SIL1: variants seen among roughly 807,000 people sequenced by gnomAD.
SIL1 encodes the protein SIL1 nucleotide exchange factor, also known as nucleotide exchange factor SIL1.
SIL1 carries 40 observed loss-of-function variants against 49.1 expected under a neutral mutation model. The observed-to-expected ratio is 0.81, with a 90% CI of 0.63 to 1.06. SIL1 has a LOEUF of 1.06. Among genes scored for constraint, SIL1 ranks in the 50% least tolerant of loss-of-function variants. The pLI is 0.00. For synonymous variants in SIL1, 253 were observed against 250.8 expected (o/e 1.01, Z -0.08); for missense variants, 500 against 572.6 (o/e 0.87, Z 1.29).
intron 9 of SIL1, among the ~76,000 whole-genome samples, chr5:138,949,807 A>AG: frequency 6.6e-6 from 1 of 151,344 alleles, no homozygotes; most frequent in Non-Finnish European, 1.5e-5. Context: ...TCAAAAAAAA[A>AG]AAAAAAAAAG....
intron 1 of SIL1, among the ~76,000 whole-genome samples, chr5:139,192,380 T>C (rs1265006708): frequency 6.6e-6 from 1 of 152,098 alleles, no homozygotes; most frequent in Non-Finnish European, 1.5e-5. Flanking sequence ...TGGAGATGAG[T>C]TCACTGACCA....
At chr5:139,175,602 A>G (rs1751864425) in intron 1 of SIL1, among the ~76,000 whole-genome samples, 1 of 152,242 alleles carries the variant, frequency 6.6e-6, no homozygotes, top group Admixed American at 6.5e-5. Flanking sequence ...AGAGGAAGGA[A>G]TATTCCCTAC....
At chr5:139,053,874 C>A (rs2150456766) in intron 3 of SIL1, among the ~76,000 whole-genome samples, 1 of 152,366 alleles carries the variant, frequency 6.6e-6, no homozygotes, top group Admixed American at 6.5e-5. Context: ...ATAGCACTCA[C>A]CACAATCAGT....
intron 7 of SIL1, among the ~76,000 whole-genome samples, chr5:138,978,550 C>G (rs1767442173): frequency 6.6e-6 from 1 of 152,216 alleles, no homozygotes; most frequent in Non-Finnish European, 1.5e-5. Flanking sequence ...CTTGGGTACA[C>G]ACCTAGCATT....
chr5:139,136,633 T>C (rs1030275608), intron 1 of SIL1, among the ~76,000 whole-genome samples: 1 of 152,118 alleles, frequency 6.6e-6, no homozygotes, highest in African/African-American at 2.4e-5. Context: ...GATCAGTCAC[T>C]GGATTTGGCA....
intron 7 of SIL1, among the ~76,000 whole-genome samples, chr5:138,977,199 A>G (rs1449265951): frequency 6.6e-6 from 1 of 152,190 alleles, no homozygotes; most frequent in African/African-American, 2.4e-5. Flanking sequence ...GACAGCCACA[A>G]TCTTATGATG....
chr5:138,999,679 T>C (rs890649154), intron 7 of SIL1, among the ~76,000 whole-genome samples: 2 of 152,296 alleles, frequency 1.3e-5, no homozygotes, highest in Non-Finnish European at 2.9e-5. Flanking sequence ...TAAATGCTAC[T>C]GGTTTTTGTA....
At chr5:139,095,830 A>C (rs2151779176) in intron 3 of SIL1, among the ~76,000 whole-genome samples, 1 of 152,188 alleles carries the variant, frequency 6.6e-6, no homozygotes, top group South Asian at 2.1e-4. Context: ...CCTGTGTCAA[A>C]ATTTAAAAAA....
At chr5:139,112,090 G>A (rs527372018) in intron 3 of SIL1, among the ~76,000 whole-genome samples, 355 of 152,358 alleles carry the variant, frequency 2.3e-3, no homozygotes, top group African/African-American at 8.1e-3. Flanking sequence ...CGAGTGATCC[G>A]CCAGCCTCGG....
chr5:139,179,960 G>A (rs1751952103), intron 1 of SIL1, among the ~76,000 whole-genome samples: 1 of 151,860 alleles, frequency 6.6e-6, no homozygotes, highest in African/African-American at 2.4e-5. Flanking sequence ...GGAGGCTGAG[G>A]TGGGAGGATC....
chr5:139,010,785 G>A (rs1385285553), intron 7 of SIL1, among the ~76,000 whole-genome samples: 21 of 152,012 alleles, frequency 1.4e-4, no homozygotes, highest in Admixed American at 2.6e-4. Context: ...GGGGGTCAGG[G>A]GTCAGGGACC....
intron 3 of SIL1, among the ~76,000 whole-genome samples, chr5:139,097,112 G>A (rs949857138): frequency 6.6e-6 from 1 of 152,140 alleles, no homozygotes; most frequent in Non-Finnish European, 1.5e-5. Context: ...CCTTTGGAAA[G>A]GGGAGGGAAG....
chr5:138,992,955 T>G (rs1312373448), intron 7 of SIL1, among the ~76,000 whole-genome samples: 1 of 152,098 alleles, frequency 6.6e-6, no homozygotes, highest in African/African-American at 2.4e-5. Flanking sequence ...AAAGAGAAAC[T>G]TTTTCTTTTG....
At chr5:139,051,268 G>C in intron 3 of SIL1, 1 of 571,392 alleles carries the variant, frequency 1.8e-6, no homozygotes, top group Non-Finnish European at 3.2e-6. Flanking sequence ...GACGTAAGAT[G>C]GGCAAGAGGA....
At chr5:139,057,854 T>C (rs1769489941) in intron 3 of SIL1, among the ~76,000 whole-genome samples, 1 of 152,180 alleles carries the variant, frequency 6.6e-6, no homozygotes, top group African/African-American at 2.4e-5. Flanking sequence ...AGCCTGTTCC[T>C]CACAGAAGGT....
At chr5:139,116,756 C>T (rs1274515006) in intron 3 of SIL1, among the ~76,000 whole-genome samples, 3 of 152,252 alleles carry the variant, frequency 2.0e-5, no homozygotes, top group Admixed American at 6.5e-5. Flanking sequence ...GGACTACATT[C>T]GCACGCCACT....
At chr5:139,051,167 C>A in intron 3 of SIL1, 121 bp from the exon 4 acceptor site, 4 of 812,284 alleles carry the variant, frequency 4.9e-6, no homozygotes, top group South Asian at 4.1e-5. Flanking sequence ...TGTTCAGTTA[C>A]CTCCTCAATC....
chr5:139,120,088 T>C (rs1750592240), intron 3 of SIL1, among the ~76,000 whole-genome samples: 1 of 152,236 alleles, frequency 6.6e-6, no homozygotes, highest in South Asian at 2.1e-4. Context: ...GAAAGCTGGC[T>C]GGCACAGCAA....
chr5:139,118,357 T>C (rs1771043158), intron 3 of SIL1, among the ~76,000 whole-genome samples: 2 of 152,190 alleles, frequency 1.3e-5, no homozygotes, highest in Non-Finnish European at 2.9e-5. Context: ...AATTTACCAC[T>C]GAAAATCAGA....
Sources: allele counts gnomAD v4.1 joint callset (sites outside exome capture counted in the v4.1 genomes callset), GRCh38; gene constraint gnomAD v4.1.1; transcripts MANE v1.5; gene names NCBI Gene and HGNC (gene_info 2026-07-23, HGNC 2026-07-21).